Variants in COMMD10 observed in about 807,000 individuals in gnomAD.
The protein encoded by COMMD10 is COMM domain containing 10.
A neutral mutation model predicts 28.9 loss-of-function variants in COMMD10; 33 were observed. That is an observed-to-expected ratio of 1.14 (90% CI 0.87 to 1.53). The LOEUF (loss-of-function observed/expected upper bound fraction) is 1.53. Among genes scored for constraint, COMMD10 ranks in the 40% most tolerant of loss-of-function variants. The pLI is 0.00. For synonymous variants in COMMD10, 110 were observed against 81.7 expected (o/e 1.35, Z -1.87); for missense variants, 310 against 233.4 (o/e 1.33, Z -2.14).
rs192213988 is a variant in COMMD10, at chr5:116,173,793, T to C, written c.510+39615T>C. ...AAGCATTGGGTATCACCTTCCTTGT[T>C]AATCCATTTTTTTTCCAACTGTTTT... On this transcript the variant is annotated intron_variant, in intron 5 of 6. Coordinates refer to ENST00000274458, the MANE Select transcript of COMMD10 (RefSeq NM_016144.4). 4.0e-5 allele frequency among the ~76,000 whole-genome samples: 6 copies of C among 151,158 alleles called. No homozygotes were observed. In the East Asian group the frequency reaches 1.2e-3, roughly 30 times the overall value.
chr5:116,188,812 TAG>T (rs1397189759), intron 5 of COMMD10, among the ~76,000 whole-genome samples: 2 of 152,026 alleles, frequency 1.3e-5, no homozygotes, highest in Non-Finnish European at 2.9e-5. Context: ...TATTTTTTTG[TAG>T]AGAGGGGGTT....
At chr5:116,096,719 C>T (rs566336324) in intron 4 of COMMD10, among the ~76,000 whole-genome samples, 1 of 152,094 alleles carries the variant, frequency 6.6e-6, no homozygotes, top group African/African-American at 2.4e-5. Flanking sequence ...TTAGAAAATG[C>T]CCCTTTATTG....
chr5:116,154,379 T>C (rs77140879), intron 5 of COMMD10, among the ~76,000 whole-genome samples: 2,006 of 152,272 alleles, frequency 0.013, 42 homozygotes, highest in African/African-American at 0.045. Flanking sequence ...TCAAAAGTTA[T>C]AGCATAAAAG....
At position 116,151,600 on chromosome 5, in the gene COMMD10, C is replaced by T. The variant is rs151183086; in HGVS notation, c.510+17422C>T. 9.8e-3 allele frequency among the ~76,000 whole-genome samples: 1,487 copies of T among 152,190 alleles called. 26 individuals carry two copies. The highest frequency in any genetic ancestry group is 0.033 in the African/African-American group (1,377 of 41,534). On this transcript the variant is annotated intron_variant, in intron 5 of 6. Transcript: ENST00000274458. Reference sequence around the variant, plus strand: ...TTTAATCTTGGGAGTGTATATGTGTCGAGGAATTTATCCATTTCTTTTACA... The same window carrying T: ...TTTAATCTTGGGAGTGTATATGTGTTGAGGAATTTATCCATTTCTTTTACA...
intron 5 of COMMD10, among the ~76,000 whole-genome samples, chr5:116,253,398 G>A (rs930382706): frequency 1.3e-5 from 2 of 151,200 alleles, no homozygotes; most frequent in African/African-American, 4.9e-5. Flanking sequence ...AAAGCTTCCA[G>A]TTTTTGCCCA....
chr5:116,290,420 C>T (rs541823771), intron 5 of COMMD10, among the ~76,000 whole-genome samples: 24 of 151,830 alleles, frequency 1.6e-4, no homozygotes, highest in African/African-American at 5.3e-4. Flanking sequence ...GAAATTTGAT[C>T]CTGTACACTT....
chr5:116,206,759 A>G (rs1319709874), intron 5 of COMMD10, among the ~76,000 whole-genome samples: 1 of 152,202 alleles, frequency 6.6e-6, no homozygotes, highest in African/African-American at 2.4e-5. Flanking sequence ...AATACAATTC[A>G]TATGTACTCT....
At chr5:116,134,266 AG>A in intron 5 of COMMD10, 88 bp downstream of exon 5, 1 of 716,864 alleles carries the variant, frequency 1.4e-6, no homozygotes, top group Non-Finnish European at 2.4e-6. Context: ...CTCTGGATTT[AG>A]AATTTAAACA....
At chr5:116,161,326 T>A (rs1567334) in intron 5 of COMMD10, among the ~76,000 whole-genome samples, 15,197 of 152,076 alleles carry the variant, frequency 0.1, 1,620 homozygotes, top group African/African-American at 0.27. Flanking sequence ...GGATATATAA[T>A]GGTTTAGTGC....
chr5:116,164,685 T>C (rs1435543515), intron 5 of COMMD10, among the ~76,000 whole-genome samples: 1 of 152,256 alleles, frequency 6.6e-6, no homozygotes, highest in Non-Finnish European at 1.5e-5. Context: ...TTACTTCATG[T>C]ATTTACTCAT....
At chr5:116,255,272 T>G (rs992834540) in intron 5 of COMMD10, among the ~76,000 whole-genome samples, 16 of 151,778 alleles carry the variant, frequency 1.1e-4, no homozygotes, top group Non-Finnish European at 2.2e-4. Context: ...TCTGTGTCTT[T>G]TAGTTGGAGC....
chr5:116,179,222 C>T (rs190564114), intron 5 of COMMD10, among the ~76,000 whole-genome samples: 6 of 151,880 alleles, frequency 4.0e-5, no homozygotes, highest in Admixed American at 6.6e-5. Context: ...CTTTAATGTA[C>T]GATTAAGTGA....
At chr5:116,223,094 AT>A (rs1749306026) in intron 5 of COMMD10, among the ~76,000 whole-genome samples, 1 of 152,108 alleles carries the variant, frequency 6.6e-6, no homozygotes, top group Admixed American at 6.5e-5. Flanking sequence ...TTACTTGTCT[AT>A]GTTCTTATTT....
At chr5:116,218,303 G>A in intron 5 of COMMD10, 2 of 709,668 alleles carry the variant, frequency 2.8e-6, no homozygotes, top group Non-Finnish European at 2.6e-6. Flanking sequence ...CATGGTGGTG[G>A]CAGTGATGGT....
intron 5 of COMMD10, among the ~76,000 whole-genome samples, chr5:116,260,938 C>G (rs543391778): frequency 6.6e-6 from 1 of 151,720 alleles, no homozygotes; most frequent in Admixed American, 6.6e-5. Flanking sequence ...AACATGTTCT[C>G]TTTGTGAATG....
chr5:116,290,245 T>C (rs1751329245), intron 5 of COMMD10, among the ~76,000 whole-genome samples: 1 of 151,896 alleles, frequency 6.6e-6, no homozygotes, highest in South Asian at 2.1e-4. Context: ...GATTAAATCT[T>C]TGGAGCTTTA....
intron 5 of COMMD10, among the ~76,000 whole-genome samples, chr5:116,274,527 A>G (rs1306019582): frequency 1.3e-5 from 2 of 151,670 alleles, no homozygotes; most frequent in African/African-American, 4.9e-5. Flanking sequence ...CCTGAGCTAC[A>G]TTTGCTTGAT....
chr5:116,192,935 A>G (rs1325325940), intron 5 of COMMD10, among the ~76,000 whole-genome samples: 1 of 152,200 alleles, frequency 6.6e-6, no homozygotes, highest in Non-Finnish European at 1.5e-5. Context: ...TAACTTATAA[A>G]GGAAAGCCTA....
intron 4 of COMMD10, among the ~76,000 whole-genome samples, chr5:116,132,555 T>C (rs1051712918): frequency 5.9e-5 from 9 of 152,182 alleles, no homozygotes; most frequent in African/African-American, 2.4e-5. Flanking sequence ...TCATTAGTTA[T>C]GTTAAGTGCC....
Sources: allele counts gnomAD v4.1 joint callset (sites outside exome capture counted in the v4.1 genomes callset), GRCh38; gene constraint gnomAD v4.1.1; transcripts MANE v1.5; gene names NCBI Gene and HGNC (gene_info 2026-07-23, HGNC 2026-07-21).